AXIN1: variants seen among roughly 807,000 people sequenced by gnomAD.
AXIN1 encodes the protein axin-1.
A neutral mutation model predicts 76.4 loss-of-function variants in AXIN1; 30 were observed. The ratio of observed to expected loss-of-function variants is 0.39; its 90% CI spans 0.29 to 0.53. The LOEUF (loss-of-function observed/expected upper bound fraction) is 0.53, where lower values mean the gene tolerates loss of function less well. AXIN1 is among the 20% of genes least tolerant of loss of function. AXIN1 has a pLI of 0.66. For missense variants in AXIN1, 1,140 were observed against 1,198.8 expected (o/e 0.95, Z 0.72); for synonymous variants, 545 against 501.4 (o/e 1.09, Z -1.16).
rs1469855580 is a variant in AXIN1 at position 293,651 on chromosome 16, C to T, written c.2023G>A (p.Ala675Thr). The change falls in exon 8 of 11, where the codon GCC (alanine) becomes ACC (threonine). Residue 675 changes from alanine (A) to threonine (T), a missense_variant. This residue lies in a region of AXIN1 where 429 missense variants were observed against 405.8 expected (regional missense o/e 1.06). Coordinates refer to ENST00000262320, the MANE Select transcript of AXIN1 (RefSeq NM_003502.4). The surrounding 1 kb of genome is among the most constrained non-coding windows in gnomAD (Gnocchi z 4.6). ...ACGGAGGTCCGGAGCTGAGGGCCGG[C>T]CCAGGGGTGCTCAAGGGACAAGGGT... is the stretch of plus-strand genomic sequence containing the variant. ...SRPLSLEHPW[A>T]GPQLRTSVQP... 1.2e-6 allele frequency: 2 copies of T among 1,613,644 alleles called. No individual in the cohort carries two copies. The highest frequency in any genetic ancestry group is 2.7e-5 in the African/African-American group (2 of 75,024).
Position 316,314 on chromosome 16 carries a change from G to A in AXIN1, c.879-1631C>T, listed in dbSNP as rs151187515. Among the ~76,000 whole-genome samples the A allele has an allele frequency of 1.4e-4, 21 of 152,306 alleles. No homozygotes were observed. In the East Asian group the frequency reaches 3.7e-3, roughly 27 times the overall value. ...GCTCACTCCTTCACATCAAAATGGA[G>A]ATACAGCTGTTAGCATTAAATACCA... On this transcript the variant is annotated intron_variant, in intron 2 of 10. Transcript: ENST00000262320.
intron 2 of AXIN1, among the ~76,000 whole-genome samples, chr16:341,569 G>C (rs1398704419): frequency 6.6e-6 from 1 of 152,256 alleles, no homozygotes; most frequent in East Asian, 1.9e-4. Flanking sequence ...CTCCTGTGCG[G>C]ACCGAGTCTC....
chr16:287,807 C>T lies in AXIN1; in HGVS notation c.*315G>A, dbSNP rs558296289. On this transcript the variant is annotated 3_prime_UTR_variant, in exon 11 of 11. Transcript: ENST00000262320. ...GGAAAGTAGATCCCAGCACACGTGC[C>T]CAAGGGAGGTGCCGGGGGATGGGGG... 2 of 489,780 alleles carry T rather than the reference C, an allele frequency of 4.1e-6. No individual in the cohort carries two copies. Among genetic ancestry groups the T allele is most frequent in the East Asian group, 7.2e-5 (2 of 27,926 alleles). 30.3% of individuals were successfully genotyped at this position (489,780 alleles called of 1,614,324 possible).
chr16:337,179 A>G (rs921223426), intron 2 of AXIN1, among the ~76,000 whole-genome samples: 1 of 143,190 alleles, frequency 7.0e-6, no homozygotes, highest in Non-Finnish European at 1.5e-5. Flanking sequence ...AAAAAAAAAG[A>G]CACATTTACG....
intron 1 of AXIN1, among the ~76,000 whole-genome samples, chr16:348,937 A>G (rs2054087307): frequency 6.6e-6 from 1 of 151,050 alleles, no homozygotes. Flanking sequence ...TCTCTACTAA[A>G]AATACAAAAA....
At chr16:321,466 C>T (rs868840250) in intron 2 of AXIN1, among the ~76,000 whole-genome samples, 1 of 152,238 alleles carries the variant, frequency 6.6e-6, no homozygotes, top group Non-Finnish European at 1.5e-5. Flanking sequence ...CAGTACACCA[C>T]GTAAAATAAT....
In AXIN1 at chr16:298,057, G is replaced by A. The variant is rs1485307792; in HGVS notation, c.1449C>T (p.Gly483=). The change falls in exon 6 of 11, where the codon GGC becomes GGT. Residue 483 remains glycine (G), a synonymous_variant. Coordinates refer to ENST00000262320, the MANE Select transcript of AXIN1 (RefSeq NM_003502.4). The stretch of plus-strand genomic sequence containing the variant: ...GATGGCCAGGCCCAGGCGACTGGCG[G>A]CCAGGTGTCCTCAGCACACGCTGTA... ...EHVQRVLRTP[G]RQSPGPGHRS... The A allele has an allele frequency of 6.3e-7, 1 of 1,576,002 alleles. No homozygotes were observed. The highest frequency in any genetic ancestry group is 8.6e-7 in the Non-Finnish European group (1 of 1,166,388).
chr16:339,440 G>C (rs1188458129), intron 2 of AXIN1, among the ~76,000 whole-genome samples: 1 of 151,200 alleles, frequency 6.6e-6, no homozygotes, highest in Non-Finnish European at 1.5e-5. Flanking sequence ...GAACCCAGGA[G>C]GTGGAGCTTG....
At chr16:310,194 C>T in intron 3 of AXIN1, 125 bp from the exon 4 acceptor site, 1 of 792,038 alleles carries the variant, frequency 1.3e-6, no homozygotes, top group Non-Finnish European at 2.1e-6. Context: ...TGAGCCACCA[C>T]CACTGAGACA....
Position 287,489 on chromosome 16 carries a change from A to AGAT in AXIN1, c.*630_*632dup, listed in dbSNP as rs1039435414. ...CATTATTATCCAAGTACCTTTGAAA[A>AGAT]GATAATTAATTGTACAAGTGTCATC... On this transcript the variant is annotated 3_prime_UTR_variant, in exon 11 of 11. Coordinates refer to ENST00000262320, the MANE Select transcript of AXIN1 (RefSeq NM_003502.4). 8.3e-6 allele frequency: 3 copies of AGAT among 362,670 alleles called. No homozygotes were observed. The highest frequency in any genetic ancestry group is 4.7e-5 in the African/African-American group (2 of 42,200). The allele number at this position is 362,670 out of a possible 1,614,324, so 22.5% of individuals were successfully genotyped here. A position where few individuals can be genotyped will look rare whatever the true frequency, so the allele number is the denominator to read the frequency against.
At chr16:294,034 G>A (rs557025503) in intron 7 of AXIN1, among the ~76,000 whole-genome samples, 17 of 152,114 alleles carry the variant, frequency 1.1e-4, no homozygotes, top group Non-Finnish European at 2.4e-4. Flanking sequence ...TTAGCTGGGC[G>A]CCTGTCATCC....
chr16:314,515 G>A (rs566854979), intron 3 of AXIN1, 28 bp downstream of exon 3: 46 of 1,612,614 alleles, frequency 2.9e-5, no homozygotes, highest in Middle Eastern at 1.8e-4. Flanking sequence ...CTGTCCGTGA[G>A]GGACTGGGTA....
Position 293,681 on chromosome 16 carries a change from A to C in AXIN1, c.1993T>G (p.Ser665Ala). 6.2e-7 allele frequency: 1 copy of C among 1,613,724 alleles called. No homozygotes were observed. Among genetic ancestry groups the C allele is most frequent in the Non-Finnish European group, 8.5e-7 (1 of 1,179,994 alleles). Reference sequence around the variant, plus strand: ...GGGTGCTCAAGGGACAAGGGTCTGGAGTTCTCATGGGGCTGTGGCTTCCTC... The same window carrying C: ...GGGTGCTCAAGGGACAAGGGTCTGGCGTTCTCATGGGGCTGTGGCTTCCTC... ...GTRKPQPHEN[S>A]RPLSLEHPWA... The change falls in exon 8 of 11, where the codon TCC becomes GCC. Residue 665 changes from serine (S) to alanine (A), a missense_variant. Around this residue, in one of 3 missense-constraint regions of AXIN1, gnomAD observed 429 missense variants for 405.8 expected, o/e 1.06. Coordinates refer to ENST00000262320, the MANE Select transcript of AXIN1 (RefSeq NM_003502.4). The surrounding 1 kb of genome is among the most constrained non-coding windows in gnomAD (Gnocchi z 4.6).
At chr16:323,302 G>A (rs4997434) in intron 2 of AXIN1, among the ~76,000 whole-genome samples, 65,381 of 150,920 alleles carry the variant, frequency 0.43, 15,179 homozygotes, top group African/African-American at 0.6. Flanking sequence ...AGCCGGGTGC[G>A]GTGGCGGGCA....
At chr16:289,793 T>C (rs1048845847) in intron 9 of AXIN1, 186 bp from the exon 10 acceptor site, 3 of 727,596 alleles carry the variant, frequency 4.1e-6, no homozygotes, top group Non-Finnish European at 6.9e-6. Flanking sequence ...CCGCTAGCAG[T>C]GGAGTCGGCT....
chr16:331,809 A>G (rs1202221070), intron 2 of AXIN1, among the ~76,000 whole-genome samples: 1 of 152,202 alleles, frequency 6.6e-6, no homozygotes, highest in Non-Finnish European at 1.5e-5. Context: ...CTGACACTGC[A>G]TGAGGGGCCC....
chr16:293,606 TGAA>T lies in AXIN1; in HGVS notation c.2065_2067del (p.Phe689del). ...TGGGGTGGCATGGTGGGGTCTTGGA[TGAA>T]GAGGTGGGAGGGCTGCACGGAGGTC... On this transcript the variant is annotated inframe_deletion, in exon 8 of 11. Transcript: ENST00000262320. This position sits in a 1 kb window ranked among gnomAD's most constrained non-coding sequence, Gnocchi z 4.6. 1 of 1,612,842 alleles carries T rather than the reference TGAA, an allele frequency of 6.2e-7. No individual in the cohort carries two copies. The highest frequency in any genetic ancestry group is 8.5e-7 in the Non-Finnish European group (1 of 1,179,844).
At chr16:301,147 T>A (rs2052860627) in intron 5 of AXIN1, among the ~76,000 whole-genome samples, 1 of 152,020 alleles carries the variant, frequency 6.6e-6, no homozygotes, top group African/African-American at 2.4e-5. Context: ...GGTGGGCGCC[T>A]GTAGTCCCAG....
chr16:341,562 C>G (rs2053921877), intron 2 of AXIN1, among the ~76,000 whole-genome samples: 1 of 152,372 alleles, frequency 6.6e-6, no homozygotes, highest in South Asian at 2.1e-4. Context: ...CCGTGGGCTC[C>G]TGTGCGGACC....
Sources: gnomAD v4.1 joint callset for allele counts (sites outside exome capture counted in the v4.1 genomes callset) on GRCh38, gnomAD v4.1.1 for gene constraint, gnomAD v4.1.1 regional missense constraint, Gnocchi (gnomAD v3.1) non-coding constraint, MANE v1.5 for transcripts, NCBI Gene and HGNC (gene_info 2026-07-23, HGNC 2026-07-21) for gene names.